SRPK1: variants seen among roughly 807,000 people sequenced by gnomAD.
SRPK1 encodes the protein SFRS protein kinase 1.
A neutral mutation model predicts 89.5 loss-of-function variants in SRPK1; 52 were observed. That is an observed-to-expected ratio of 0.58 (90% CI 0.46 to 0.73). The LOEUF is 0.73. Among genes scored for constraint, SRPK1 ranks in the 30% least tolerant of loss-of-function variants. The pLI, the probability that SRPK1 is intolerant of heterozygous loss-of-function variation, is 0.00. For synonymous variants in SRPK1, 255 were observed against 270.2 expected, an observed-to-expected ratio of 0.94 and a Z score of 0.55; for missense variants, 603 against 780.6, an observed-to-expected ratio of 0.77 and a Z score of 2.71.
chr6:35,918,204 GGAA>G (rs892544551), intron 2 of SRPK1, among the ~76,000 whole-genome samples: 1 of 129,802 alleles, frequency 7.7e-6, no homozygotes, highest in African/African-American at 2.8e-5. Context: ...AAGACAAAAA[GGAA>G]GAAAGAAAAA....
At chr6:35,845,283 G>C (rs921817925) in intron 13 of SRPK1, among the ~76,000 whole-genome samples, 1 of 151,314 alleles carries the variant, frequency 6.6e-6, no homozygotes, top group African/African-American at 2.4e-5. Flanking sequence ...TGCCAATGTA[G>C]GTTCATTGTT....
intron 2 of SRPK1, among the ~76,000 whole-genome samples, chr6:35,916,576 C>G (rs546548050): frequency 2.6e-5 from 4 of 151,738 alleles, no homozygotes; most frequent in South Asian, 2.1e-4. Context: ...TTCAATATAT[C>G]TCCCAAATGA....
In SRPK1 at chr6:35,835,833, G is replaced by C. The variant is rs190958891; in HGVS notation, c.1784-345C>G. Reference sequence around the variant, plus strand: ...TCAACATGGTCTTATATGGTGTGCAGAGACACTCTAGTACCACATACCGAG... The same window carrying C: ...TCAACATGGTCTTATATGGTGTGCACAGACACTCTAGTACCACATACCGAG... On this transcript the variant is annotated intron_variant, in intron 15 of 15. Coordinates refer to ENST00000373825, the MANE Select transcript of SRPK1 (RefSeq NM_003137.5). 2.0e-5 allele frequency among the ~76,000 whole-genome samples: 3 copies of C among 152,244 alleles called. No individual in the cohort carries two copies. In the East Asian group the frequency reaches 5.8e-4, roughly 29 times the overall value.
chr6:35,862,193 C>A (rs1039493655), intron 12 of SRPK1, among the ~76,000 whole-genome samples: 1 of 152,086 alleles, frequency 6.6e-6, no homozygotes, highest in Non-Finnish European at 1.5e-5. Context: ...TGAGAACCTG[C>A]CCATATACCC....
intron 2 of SRPK1, among the ~76,000 whole-genome samples, chr6:35,918,373 C>T (rs1034847090): frequency 2.0e-5 from 3 of 151,898 alleles, no homozygotes; most frequent in Non-Finnish European, 4.4e-5. Flanking sequence ...TAGTGGCACA[C>T]GCCTGTAGTC....
chr6:35,836,292 C>A (rs925143889), intron 15 of SRPK1, among the ~76,000 whole-genome samples: 1 of 150,868 alleles, frequency 6.6e-6, no homozygotes, highest in African/African-American at 2.5e-5. Context: ...ACCCCCCAAC[C>A]CCCCCATCCA....
chr6:35,913,067 G>A (rs532706400), intron 2 of SRPK1, among the ~76,000 whole-genome samples: 4 of 152,278 alleles, frequency 2.6e-5, no homozygotes, highest in South Asian at 2.1e-4. Flanking sequence ...CCACTGTACC[G>A]AGCCTTTTTC....
chr6:35,852,215 G>A (rs1181991161), intron 13 of SRPK1, among the ~76,000 whole-genome samples: 1 of 152,108 alleles, frequency 6.6e-6, no homozygotes, highest in Non-Finnish European at 1.5e-5. Context: ...GGGGAGCTGT[G>A]CATTTAATCA....
rs765029996 is a variant in SRPK1 at position 35,835,450 on chromosome 6, G to C, written c.1822C>G (p.Leu608Val). 1.9e-6 allele frequency: 3 copies of C among 1,613,644 alleles called. No individual in the cohort carries two copies. Among genetic ancestry groups the C allele is most frequent in the South Asian group, 2.2e-5 (2 of 90,996 alleles). The change falls in exon 16 of 16, where the codon CTT becomes GTT. Residue 608 changes from leucine (L) to valine (V), a missense_variant. Coordinates refer to ENST00000373825, the MANE Select transcript of SRPK1 (RefSeq NM_003137.5). Reference sequence around the variant, plus strand: ...TACTTCTCCACTAGAACCTCAAAAAGGCCCCAAGGTTTCAGCTTCGTGATA... The same window carrying C: ...TACTTCTCCACTAGAACCTCAAAAACGCCCCAAGGTTTCAGCTTCGTGATA... Reference protein sequence around the residue: ...KHITKLKPWGLFEVLVEKYEW... With the variant: ...KHITKLKPWGVFEVLVEKYEW...
intron 12 of SRPK1, among the ~76,000 whole-genome samples, chr6:35,861,112 G>C (rs1428380607): frequency 6.6e-6 from 1 of 152,180 alleles, no homozygotes; most frequent in Non-Finnish European, 1.5e-5. Context: ...AAAGGAACCA[G>C]AACAGTCAGA....
chr6:35,905,900 T>G (rs950733636), intron 2 of SRPK1, among the ~76,000 whole-genome samples: 1 of 152,194 alleles, frequency 6.6e-6, no homozygotes, highest in African/African-American at 2.4e-5. Flanking sequence ...AAAACACAAC[T>G]TATTTCCTAA....
intron 6 of SRPK1, among the ~76,000 whole-genome samples, chr6:35,881,695 C>A (rs996655883): frequency 1.3e-5 from 2 of 151,452 alleles, no homozygotes; most frequent in Non-Finnish European, 2.9e-5. Flanking sequence ...CAACATACCA[C>A]CAAGAAGATA....
intron 2 of SRPK1, among the ~76,000 whole-genome samples, chr6:35,906,868 A>G (rs1770857695): frequency 6.6e-6 from 1 of 152,172 alleles, no homozygotes; most frequent in South Asian, 2.1e-4. Flanking sequence ...AACCACAAAT[A>G]CGTTCAAATT....
intron 13 of SRPK1, among the ~76,000 whole-genome samples, chr6:35,851,610 G>T (rs559792853): frequency 2.3e-4 from 35 of 152,188 alleles, no homozygotes; most frequent in African/African-American, 8.4e-4. Flanking sequence ...GTGAACAGGG[G>T]GATAATTTAC....
chr6:35,856,097 C>G (rs1769660483), intron 13 of SRPK1, among the ~76,000 whole-genome samples: 1 of 152,220 alleles, frequency 6.6e-6, no homozygotes, highest in Admixed American at 6.5e-5. Context: ...CTGGGGCTTT[C>G]CAACTTCCCA....
rs543903733 is a variant in SRPK1, at chr6:35,837,504, C to CA, written c.1783+832dup. On this transcript the variant is annotated intron_variant, in intron 15 of 15. Coordinates refer to ENST00000373825, the MANE Select transcript of SRPK1 (RefSeq NM_003137.5). ...AAACTGAGGCACAGTTAGATCCTGT[C>CA]AAAGGTCACATGGCTAGTGGAGTAG... 3.9e-5 allele frequency among the ~76,000 whole-genome samples: 6 copies of CA among 152,334 alleles called. No individual in the cohort carries two copies. The South Asian group carries it at 1.2e-3, about 32-fold the overall frequency.
chr6:35,886,628 C>A, intron 6 of SRPK1, 96 bp downstream of exon 6: 1 of 729,088 alleles, frequency 1.4e-6, no homozygotes, highest in South Asian at 1.5e-5. Context: ...TTATAGTTTG[C>A]CTTAGAAAAG....
At chr6:35,905,083 A>G (rs9470167) in intron 2 of SRPK1, 107,797 of 334,112 alleles carry the variant, frequency 0.32, 18,355 homozygotes, top group South Asian at 0.42. Flanking sequence ...GGAGTTTGAG[A>G]TTGCAGTGAC....
chr6:35,908,765 T>C (rs1770900822), intron 2 of SRPK1, among the ~76,000 whole-genome samples: 1 of 152,184 alleles, frequency 6.6e-6, no homozygotes, highest in Non-Finnish European at 1.5e-5. Context: ...GTCAGAGATC[T>C]TGGCGACAGC....
Sources: gnomAD v4.1 joint callset for allele counts (sites outside exome capture counted in the v4.1 genomes callset) on GRCh38, gnomAD v4.1.1 for gene constraint, MANE v1.5 for transcripts, NCBI Gene and HGNC (gene_info 2026-07-23, HGNC 2026-07-21) for gene names.